Variants in EPC2 observed in about 807,000 individuals in gnomAD.
EPC2 encodes the protein enhancer of polycomb homolog 2.
In EPC2, 14 loss-of-function variants were observed where a neutral mutation model predicts 92.1. The observed-to-expected ratio is 0.15, with a 90% CI of 0.10 to 0.24. The LOEUF (loss-of-function observed/expected upper bound fraction) is 0.24, where lower values mean the gene tolerates loss of function less well. EPC2 is among the 10% of genes least tolerant of loss of function. The pLI is 1.00. For missense variants in EPC2, 755 were observed against 971.5 expected (o/e 0.78, Z 2.96); for synonymous variants, 340 against 334.7 (o/e 1.02, Z -0.17).
chr2:148,645,243 C>T, intron 1 of EPC2, 73 bp downstream of exon 1: 1 of 1,338,364 alleles, frequency 7.5e-7, no homozygotes, highest in Non-Finnish European at 1.0e-6. Flanking sequence ...CCTCGCCATT[C>T]ACAGAGCGCT....
In EPC2 at chr2:148,721,895, T is replaced by TTTC. The variant is rs1358944587; in HGVS notation, c.314-21725_314-21724insCTT. Among the ~76,000 whole-genome samples the TTTC allele has an allele frequency of 2.8e-5, 4 of 144,936 alleles. No homozygotes were observed. In the East Asian group the frequency reaches 6.0e-4, roughly 22 times the overall value. On this transcript the variant is annotated intron_variant, in intron 2 of 13. Transcript: ENST00000258484. ...TTCTTTTTCTGTTTTGATTTCTTTT[T>TTTC]TTTTTTTTTTTTCAGAATTCTCATC...
At chr2:148,699,744 T>C (rs993193104) in intron 2 of EPC2, among the ~76,000 whole-genome samples, 1 of 152,194 alleles carries the variant, frequency 6.6e-6, no homozygotes, top group African/African-American at 2.4e-5. Flanking sequence ...TTCAGCTCAA[T>C]TGGGTATATA....
At chr2:148,782,233 T>C (rs1335172761) in intron 11 of EPC2, among the ~76,000 whole-genome samples, 3 of 152,142 alleles carry the variant, frequency 2.0e-5, no homozygotes, top group Non-Finnish European at 2.9e-5. Context: ...GTGAATCACA[T>C]TTCCCTGTTG....
At chr2:148,744,026 T>C (rs1294877867) in intron 3 of EPC2, among the ~76,000 whole-genome samples, 1 of 152,160 alleles carries the variant, frequency 6.6e-6, no homozygotes, top group Non-Finnish European at 1.5e-5. Context: ...TATTGATCCT[T>C]TCCATATGAC....
intron 3 of EPC2, among the ~76,000 whole-genome samples, chr2:148,746,635 T>C (rs1682990931): frequency 6.6e-6 from 1 of 152,116 alleles, no homozygotes; most frequent in African/African-American, 2.4e-5. Flanking sequence ...TTTGAGTCAA[T>C]TGACAATATT....
At chr2:148,712,835 A>C (rs73020814) in intron 2 of EPC2, among the ~76,000 whole-genome samples, 89 of 152,284 alleles carry the variant, frequency 5.8e-4, no homozygotes, top group African/African-American at 1.9e-3. Context: ...GTGAAGCATG[A>C]TCACTCCACT....
At position 148,656,026 on chromosome 2, in the gene EPC2, G is replaced by GTGTGTGTGTGTGTGT. The variant is rs1230427174; in HGVS notation, c.153+10856_153+10857insTGTGTGTGTGTGTGT. ...CTGTGTGTGTGTGTGTGTGTGTGTG[G>GTGTGTGTGTGTGTGT]GGGGGGGGGGGGTTATTCTAGAAAA... On this transcript the variant is annotated intron_variant, in intron 1 of 13. Transcript: ENST00000258484. Among the ~76,000 whole-genome samples the GTGTGTGTGTGTGTGT allele has an allele frequency of 2.1e-3, 174 of 84,158 alleles. 2 individuals carry two copies. Among genetic ancestry groups the GTGTGTGTGTGTGTGT allele is most frequent in the East Asian group, 9.7e-3 (37 of 3,810 alleles). 55.2% of individuals were successfully genotyped at this position (84,158 alleles called of 152,430 possible).
At chr2:148,715,577 G>A (rs560862637) in intron 2 of EPC2, among the ~76,000 whole-genome samples, 100 of 152,134 alleles carry the variant, frequency 6.6e-4, no homozygotes, top group African/African-American at 2.3e-3. Context: ...TGTTCCATTC[G>A]TCTGTGTGTC....
intron 1 of EPC2, among the ~76,000 whole-genome samples, chr2:148,658,259 A>T (rs1224015961): frequency 6.6e-6 from 1 of 152,176 alleles, no homozygotes; most frequent in Non-Finnish European, 1.5e-5. Flanking sequence ...CATGAGGCAC[A>T]TGACAGTCTT....
At chr2:148,722,369 G>T (rs1018222325) in intron 2 of EPC2, among the ~76,000 whole-genome samples, 2 of 152,040 alleles carry the variant, frequency 1.3e-5, no homozygotes, top group African/African-American at 4.8e-5. Flanking sequence ...CCCCAGGTCT[G>T]ATAGGCTTTG....
At chr2:148,757,653 C>T (rs1683218561) in intron 4 of EPC2, among the ~76,000 whole-genome samples, 1 of 151,974 alleles carries the variant, frequency 6.6e-6, no homozygotes, top group East Asian at 1.9e-4. Context: ...GCCTGACCAA[C>T]GTGGAGAAAC....
Position 148,786,522 on chromosome 2 carries a change from G to A in EPC2, c.*145G>A. The stretch of plus-strand genomic sequence containing the variant: ...TATATTGGATGTTAAATCCATATAT[G>A]ATGTATATTTTGTAAAATTGGGAAA... On this transcript the variant is annotated 3_prime_UTR_variant, in exon 14 of 14. Coordinates refer to ENST00000258484, the MANE Select transcript of EPC2 (RefSeq NM_015630.4). 1 of 519,456 alleles carries A rather than the reference G, an allele frequency of 1.9e-6. No homozygotes were observed. Among genetic ancestry groups the A allele is most frequent in the South Asian group, 4.0e-5 (1 of 24,746 alleles). The allele number at this position is 519,456 out of a possible 1,614,324, so 32.2% of individuals were successfully genotyped here. A position where few individuals can be genotyped will look rare whatever the true frequency, so the allele number is the denominator to read the frequency against.
At chr2:148,645,451 G>C in intron 1 of EPC2, 1 of 391,946 alleles carries the variant, frequency 2.6e-6, no homozygotes, top group Non-Finnish European at 4.6e-6. Context: ...GAATGGCGCA[G>C]GGGATGCGCT....
At position 148,754,012 on chromosome 2, in the gene EPC2, G is replaced by T; in HGVS notation, c.545G>T (p.Arg182Leu). Residue 182 changes from arginine to leucine, a missense_variant, in exon 4 of 14, where the codon CGT (arginine) becomes CTT (leucine). Physicochemically the swap from Arg to Leu is moderately radical, Grantham distance 102. Coordinates refer to ENST00000258484, the MANE Select transcript of EPC2 (RefSeq NM_015630.4). ...KAVYDYWVRK[R>L]KNCRGPSLIP... ...GTATATGACTACTGGGTGAGAAAAC[G>T]TAAAAACTGCAGGGGGCCATCCCTC... is the stretch of plus-strand genomic sequence containing the variant. 1 of 1,611,462 alleles carries T rather than the reference G, an allele frequency of 6.2e-7. No individual in the cohort carries two copies. Among genetic ancestry groups the T allele is most frequent in the Non-Finnish European group, 8.5e-7 (1 of 1,178,786 alleles).
At chr2:148,655,848 C>T (rs919325266) in intron 1 of EPC2, among the ~76,000 whole-genome samples, 1 of 151,946 alleles carries the variant, frequency 6.6e-6, no homozygotes, top group African/African-American at 2.4e-5. Flanking sequence ...CTTATTTTCA[C>T]ATTTAGCACA....
chr2:148,744,989 G>GCCCCCCCCCCCCCCCCCC (rs34269450), intron 3 of EPC2, among the ~76,000 whole-genome samples: 2 of 46,358 alleles, frequency 4.3e-5, no homozygotes, highest in Non-Finnish European at 9.9e-5. Flanking sequence ...CTATCAGTTT[G>GCCCCCCCCCCCCCCCCCC]CCCCCCCCCC....
intron 1 of EPC2, among the ~76,000 whole-genome samples, chr2:148,683,643 C>T (rs941592536): frequency 6.6e-6 from 1 of 152,146 alleles, no homozygotes. Flanking sequence ...TTTGGTTTTC[C>T]ATTCCCGAGT....
At chr2:148,648,457 A>G (rs1683850710) in intron 1 of EPC2, among the ~76,000 whole-genome samples, 1 of 152,212 alleles carries the variant, frequency 6.6e-6, no homozygotes. Flanking sequence ...GTAACTTTCA[A>G]TATCTAGATG....
chr2:148,715,544 T>C (rs1682242547), intron 2 of EPC2, among the ~76,000 whole-genome samples: 1 of 152,116 alleles, frequency 6.6e-6, no homozygotes, highest in African/African-American at 2.4e-5. Flanking sequence ...ATGTATGTGA[T>C]CTTATTTCTG....
Sources: gnomAD v4.1 joint callset for allele counts (sites outside exome capture counted in the v4.1 genomes callset) on GRCh38, gnomAD v4.1.1 for gene constraint, MANE v1.5 for transcripts, NCBI Gene and HGNC (gene_info 2026-07-23, HGNC 2026-07-21) for gene names.